ERAL1: variants seen among roughly 807,000 people sequenced by gnomAD.
The protein encoded by ERAL1 is GTPase Era, mitochondrial.
ERAL1 carries 36 observed loss-of-function variants against 53.6 expected under a neutral mutation model. That is an observed-to-expected ratio of 0.67 (90% CI 0.51 to 0.89). The LOEUF (loss-of-function observed/expected upper bound fraction) is 0.89, where lower values mean the gene tolerates loss of function less well. ERAL1 is among the 40% of genes least tolerant of loss of function. The pLI is 0.00. For synonymous variants in ERAL1, 215 were observed against 211.8 expected (o/e 1.02, Z -0.13); for missense variants, 512 against 537.5 (o/e 0.95, Z 0.47).
intron 9 of ERAL1, 35 bp from the exon 10 acceptor site, chr17:28,860,396 C>A: frequency 6.2e-7 from 1 of 1,608,838 alleles, no homozygotes; most frequent in Non-Finnish European, 8.5e-7. Context: ...CATGTGCCAT[C>A]ATTCCTGGCT....
In ERAL1 at chr17:28,858,606, C is replaced by T. The variant is rs763181209; in HGVS notation, c.742C>T (p.Leu248=). ...VDCLKQKSVL[L]ELTAALTEGV... ...TTGTTTGAAGCAGAAGTCAGTTCTC[C>T]TGGAGCTCACGGCAGCCCTCACTGA... Residue 248 remains leucine (L), a synonymous_variant, in exon 7 of 10, where the codon CTG becomes TTG. Coordinates refer to ENST00000254928, the MANE Select transcript of ERAL1 (RefSeq NM_005702.4). 5 of 1,614,174 alleles carry T rather than the reference C, an allele frequency of 3.1e-6. No individual in the cohort carries two copies. The highest frequency in any genetic ancestry group is 1.1e-5 in the South Asian group (1 of 91,080).
intron 8 of ERAL1, 40 bp from the exon 9 acceptor site, chr17:28,859,163 C>G (rs776477582): frequency 5.0e-6 from 8 of 1,613,484 alleles, no homozygotes; most frequent in African/African-American, 1.3e-5. Flanking sequence ...ACACCTCTAC[C>G]CAGGTGTATG....
At chr17:28,859,177 G>T (rs764896533) in intron 8 of ERAL1, 26 bp from the exon 9 acceptor site, 22 of 1,614,020 alleles carry the variant, frequency 1.4e-5, no homozygotes, top group Non-Finnish European at 1.7e-5. Flanking sequence ...GTGTATGACT[G>T]ACTAATCATT....
In ERAL1 at chr17:28,859,343, C is replaced by T; in HGVS notation, c.1191+60C>T. ...CTATGTTAGGCAGGAGTTCTTCCCCCAGCTTGGAGCCCTGAGAGCAGGACC... is the reference window on the plus strand; with the variant it reads ...CTATGTTAGGCAGGAGTTCTTCCCCTAGCTTGGAGCCCTGAGAGCAGGACC... On this transcript the variant is annotated intron_variant, in intron 9 of 9. Coordinates refer to ENST00000254928, the MANE Select transcript of ERAL1 (RefSeq NM_005702.4). 5.2e-6 allele frequency: 8 copies of T among 1,525,866 alleles called. No homozygotes were observed. In the South Asian group the frequency reaches 9.0e-5, roughly 17 times the overall value. 94.5% of individuals were successfully genotyped at this position (1,525,866 alleles called of 1,614,324 possible).
chr17:28,856,311 T>G lies in ERAL1; in HGVS notation c.331T>G (p.Ser111Ala). 2 of 1,614,114 alleles carry G rather than the reference T, an allele frequency of 1.2e-6. No homozygotes were observed. ...CCATCACCCTGATATGCCTGAGAATTCCCGGGTCCTACGAGTGGTCCTCCT... is the reference window on the plus strand; with the variant it reads ...CCATCACCCTGATATGCCTGAGAATGCCCGGGTCCTACGAGTGGTCCTCCT... The part of the protein sequence containing the change: ...LVHHPDMPEN[S>A]RVLRVVLLGA... The change falls in exon 2 of 10, where the codon TCC becomes GCC. Residue 111 changes from serine (S) to alanine (A), a missense_variant. By Grantham distance (99) the Ser-to-Ala change is moderately conservative. Transcript: ENST00000254928.
At chr17:28,859,342 C>G in intron 9 of ERAL1, 59 bp downstream of exon 9, 1 of 1,544,902 alleles carries the variant, frequency 6.5e-7, no homozygotes, top group Non-Finnish European at 8.9e-7. Context: ...AGTTCTTCCC[C>G]CAGCTTGGAG....
Position 28,857,645 on chromosome 17 carries a change from A to C in ERAL1, c.490-294A>C, listed in dbSNP as rs536437125. On this transcript the variant is annotated intron_variant, in intron 3 of 9. Coordinates refer to ENST00000254928, the MANE Select transcript of ERAL1 (RefSeq NM_005702.4). ...TCTCTACTAAAAAAATACAAAAATT[A>C]GCCGGGTGTGGTGGTGCACGCCTGT... Among the ~76,000 whole-genome samples the C allele has an allele frequency of 7.9e-5, 12 of 151,954 alleles. No individual in the cohort carries two copies. The East Asian group carries it at 2.2e-3, about 27-fold the overall frequency.
Position 28,858,643 on chromosome 17 carries a change from A to G in ERAL1, c.779A>G (p.Asn260Ser), listed in dbSNP as rs756602406. The G allele has an allele frequency of 4.3e-6, 7 of 1,614,186 alleles. No homozygotes were observed. The highest frequency in any genetic ancestry group is 4.5e-5 in the East Asian group (2 of 44,884). Residue 260 changes from asparagine to serine, a missense_variant, in exon 7 of 10, where the codon AAT becomes AGT. By Grantham distance (46) the Asn-to-Ser change is conservative (BLOSUM62 1). Coordinates refer to ENST00000254928, the MANE Select transcript of ERAL1 (RefSeq NM_005702.4). ...LTAALTEGVV[N>S]GKKLKMRQAF... is the part of the protein sequence containing the mutation. ...GCAGCCCTCACTGAAGGTGTGGTCA[A>G]TGGCAAAAAGCTCAAGATGAGGCAG...
At position 28,855,239 on chromosome 17, in the gene ERAL1, G is replaced by C; in HGVS notation, c.205G>C (p.Ala69Pro). Reference sequence around the variant, plus strand: ...TTCTCGCAGTAATGGCCAGGGCTCTGCCCTGGACCACTTCCTCGGATTCTC... The same window carrying C: ...TTCTCGCAGTAATGGCCAGGGCTCTCCCCTGGACCACTTCCTCGGATTCTC... ...SASRSNGQGS[A>P]LDHFLGFSQP... The change falls in exon 1 of 10, where the codon GCC becomes CCC. Residue 69 changes from alanine to proline, a missense_variant. By Grantham distance (27) the Ala-to-Pro change is conservative. Coordinates refer to ENST00000254928, the MANE Select transcript of ERAL1 (RefSeq NM_005702.4). The C allele has an allele frequency of 6.2e-7, 1 of 1,613,624 alleles. No individual in the cohort carries two copies. The highest frequency in any genetic ancestry group is 2.2e-5 in the East Asian group (1 of 44,868).
chr17:28,855,861 T>C (rs2039236336), intron 1 of ERAL1, among the ~76,000 whole-genome samples: 1 of 151,144 alleles, frequency 6.6e-6, no homozygotes, highest in Non-Finnish European at 1.5e-5. Context: ...GGTGAGAGAA[T>C]GAGAGCTGAG....
intron 3 of ERAL1, 172 bp downstream of exon 3, chr17:28,856,754 C>G (rs2039249995): frequency 3.3e-6 from 2 of 599,834 alleles, no homozygotes; most frequent in Non-Finnish European, 5.8e-6. Flanking sequence ...CTCTGTCTCC[C>G]AGGCTGGAGT....
intron 3 of ERAL1, 83 bp from the exon 4 acceptor site, chr17:28,857,856 T>C: frequency 6.8e-7 from 1 of 1,461,276 alleles, no homozygotes; most frequent in Middle Eastern, 1.8e-4. Context: ...GGCAGGCTCC[T>C]GACATCACAG....
intron 9 of ERAL1, 30 bp downstream of exon 9, chr17:28,859,313 C>A (rs2039279235): frequency 6.2e-7 from 1 of 1,607,768 alleles, no homozygotes; most frequent in Non-Finnish European, 8.5e-7. Context: ...GAGGAGAGAT[C>A]AAGACTATGT....
rs780212293 is a variant in ERAL1 at position 28,859,233 on chromosome 17, G to T, written c.1141G>T (p.Gly381Trp). The change falls in exon 9 of 10, where the codon GGG (glycine) becomes TGG (tryptophan). Residue 381 changes from glycine to tryptophan, a missense_variant. By Grantham distance (184) the Gly-to-Trp change is radical. Coordinates refer to ENST00000254928, the MANE Select transcript of ERAL1 (RefSeq NM_005702.4). ...AGCAGTGTGGGAGGAAGGACCAGGT[G>T]GGGAGCTGGTTATCCAACAGAAGCT... The part of the protein sequence containing the change: ...KTAVWEEGPG[G>W]ELVIQQKLLV... The T allele has an allele frequency of 1.9e-6, 3 of 1,614,030 alleles. No individual in the cohort carries two copies. Among genetic ancestry groups the T allele is most frequent in the Admixed American group, 1.7e-5 (1 of 59,998 alleles).
intron 9 of ERAL1, among the ~76,000 whole-genome samples, chr17:28,860,038 C>T (rs1206418423): frequency 1.1e-4 from 17 of 149,626 alleles, no homozygotes; most frequent in Non-Finnish European, 7.4e-5. Flanking sequence ...TGCAGAGGCA[C>T]GATCTCAGCT....
At chr17:28,858,229 T>C in intron 5 of ERAL1, 22 bp downstream of exon 5, 1 of 1,613,558 alleles carries the variant, frequency 6.2e-7, no homozygotes, top group Non-Finnish European at 8.5e-7. Flanking sequence ...GATGGGAACC[T>C]TAAGCCCAGT....
chr17:28,859,189 G>T lies in ERAL1; in HGVS notation c.1111-14G>T, dbSNP rs181583539. On this transcript the variant is annotated splice_polypyrimidine_tract_variant and intron_variant, in intron 8 of 9. Transcript: ENST00000254928. ...CAGGTGTATGACTGACTAATCATTT[G>T]TCTCCCTGTACAGAAGACAGCAGTG... The T allele has an allele frequency of 1.6e-5, 26 of 1,614,178 alleles. No individual in the cohort carries two copies. Among genetic ancestry groups the T allele is most frequent in the Non-Finnish European group, 2.0e-5 (24 of 1,180,030 alleles).
chr17:28,860,585 A>G lies in ERAL1; in HGVS notation c.*32A>G. Reference sequence around the variant, plus strand: ...TCTACTGACCCTCCCAGGGCATTCCAGCTCAAGCTGCTGGCAGGAACTGAC... The same window carrying G: ...TCTACTGACCCTCCCAGGGCATTCCGGCTCAAGCTGCTGGCAGGAACTGAC... On this transcript the variant is annotated 3_prime_UTR_variant, in exon 10 of 10. Transcript: ENST00000254928. 6.4e-7 allele frequency: 1 copy of G among 1,561,530 alleles called. No individual in the cohort carries two copies. The highest frequency in any genetic ancestry group is 2.4e-5 in the East Asian group (1 of 42,452).
Position 28,859,205 on chromosome 17 carries a change from G to C in ERAL1, c.1113G>C (p.Lys371Asn), listed in dbSNP as rs2039278032. 8.7e-6 allele frequency: 14 copies of C among 1,614,046 alleles called. No individual in the cohort carries two copies. The highest frequency in any genetic ancestry group is 1.1e-5 in the Non-Finnish European group (13 of 1,180,050). Residue 371 changes from lysine to asparagine, a missense_variant and splice_region_variant, in exon 9 of 10, where the codon AAG becomes AAC. By Grantham distance (94) the Lys-to-Asn change is moderately conservative (BLOSUM62 0). Transcript: ENST00000254928. ...TAATCATTTGTCTCCCTGTACAGAA[G>C]ACAGCAGTGTGGGAGGAAGGACCAG... ...PQEVPYNVQQ[K>N]TAVWEEGPGG...
Sources: allele counts gnomAD v4.1 joint callset (sites outside exome capture counted in the v4.1 genomes callset), GRCh38; gene constraint gnomAD v4.1.1; transcripts MANE v1.5; gene names NCBI Gene and HGNC (gene_info 2026-07-23, HGNC 2026-07-21).